ARHGAP15: variants seen among roughly 807,000 people sequenced by gnomAD.
ARHGAP15 encodes Rho GTPase activating protein 15.
In ARHGAP15, 51 loss-of-function variants were observed where a neutral mutation model predicts 63.7. The observed-to-expected ratio is 0.80, with a 90% CI of 0.64 to 1.01. The LOEUF (loss-of-function observed/expected upper bound fraction) is 1.01, where lower values mean the gene tolerates loss of function less well. Ranked by LOEUF, ARHGAP15 falls within the 50% of genes least tolerant of loss-of-function variation. ARHGAP15 has a pLI of 0.00. For synonymous variants in ARHGAP15, 191 were observed against 193.8 expected, an observed-to-expected ratio of 0.99 and a Z score of 0.12; for missense variants, 560 against 564.6, an observed-to-expected ratio of 0.99 and a Z score of 0.08.
intron 4 of ARHGAP15, among the ~76,000 whole-genome samples, chr2:143,216,874 A>G (rs530730158): frequency 3.9e-5 from 6 of 152,358 alleles, no homozygotes; most frequent in Admixed American, 3.9e-4. Flanking sequence ...AAATAAAAGT[A>G]ACATCATATT....
chr2:143,553,363 C>T (rs1245089309), intron 10 of ARHGAP15, among the ~76,000 whole-genome samples: 1 of 152,206 alleles, frequency 6.6e-6, no homozygotes, highest in Non-Finnish European at 1.5e-5. Context: ...CATTATCACT[C>T]ACAAGATATA....
intron 13 of ARHGAP15, among the ~76,000 whole-genome samples, chr2:143,715,632 G>C: frequency 6.6e-6 from 1 of 152,198 alleles, no homozygotes; most frequent in Non-Finnish European, 1.5e-5. Flanking sequence ...ACCTTTGTCA[G>C]ATGCAGAGAT....
In ARHGAP15 at chr2:143,655,831, CAAA is replaced by C. The variant is rs1029940367; in HGVS notation, c.1138+31573_1138+31575del. Among the ~76,000 whole-genome samples the C allele has an allele frequency of 1.7e-4, 24 of 142,710 alleles. 1 individual carries two copies. Among genetic ancestry groups the C allele is most frequent in the Non-Finnish European group, 2.3e-4 (15 of 64,698 alleles). The allele number at this position is 142,710 out of a possible 152,430, so 93.6% of individuals were successfully genotyped here. On this transcript the variant is annotated intron_variant, in intron 12 of 13. Transcript: ENST00000295095. ...GTTGCCCCACCTTAACAAGTGATGC[CAAA>C]AAAAAAAAGTTCCAAAAGGAGAACA...
At chr2:143,728,148 T>C (rs769919325) in intron 13 of ARHGAP15, among the ~76,000 whole-genome samples, 1 of 152,194 alleles carries the variant, frequency 6.6e-6, no homozygotes, top group Non-Finnish European at 1.5e-5. Flanking sequence ...GGTCAAGATA[T>C]CAGCAGGTTT....
At chr2:143,202,939 G>T (rs561574509) in intron 3 of ARHGAP15, among the ~76,000 whole-genome samples, 1 of 151,966 alleles carries the variant, frequency 6.6e-6, no homozygotes, top group Non-Finnish European at 1.5e-5. Context: ...TTAAAAACAC[G>T]TAAGACCAAC....
At chr2:143,498,753 T>G (rs758907187) in intron 9 of ARHGAP15, among the ~76,000 whole-genome samples, 24 of 152,260 alleles carry the variant, frequency 1.6e-4, no homozygotes, top group Middle Eastern at 3.4e-3. Context: ...CTTCATTGTC[T>G]TCTTCTCTCA....
At chr2:143,199,125 A>G (rs1359405702) in intron 2 of ARHGAP15, among the ~76,000 whole-genome samples, 1 of 152,044 alleles carries the variant, frequency 6.6e-6, no homozygotes, top group East Asian at 1.9e-4. Context: ...ATATTCTTTC[A>G]CTCCTGAGAA....
chr2:143,307,730 T>C (rs1342612070), intron 6 of ARHGAP15, among the ~76,000 whole-genome samples: 1 of 152,148 alleles, frequency 6.6e-6, no homozygotes, highest in East Asian at 1.9e-4. Context: ...TACCTTCCAA[T>C]GACTTAGGAC....
chr2:143,160,529 ATACAT>A (rs1340554939), intron 2 of ARHGAP15, among the ~76,000 whole-genome samples: 3 of 151,950 alleles, frequency 2.0e-5, no homozygotes, highest in African/African-American at 7.2e-5. Flanking sequence ...TATTTTCTAT[ATACAT>A]TAGGAGTGCT....
chr2:143,451,903 C>T (rs1370634779), intron 8 of ARHGAP15, among the ~76,000 whole-genome samples: 1 of 151,902 alleles, frequency 6.6e-6, no homozygotes, highest in Non-Finnish European at 1.5e-5. Flanking sequence ...GAACTTTGCA[C>T]CATTAGGAAA....
At chr2:143,472,050 T>A (rs552096450) in intron 8 of ARHGAP15, 1 of 152,328 alleles carries the variant, frequency 6.6e-6, no homozygotes, top group South Asian at 2.1e-4. Context: ...TGTTAAATTT[T>A]TTTTAATATG....
chr2:143,313,062 G>T (rs549068430), intron 6 of ARHGAP15, among the ~76,000 whole-genome samples: 21 of 152,066 alleles, frequency 1.4e-4, no homozygotes, highest in Non-Finnish European at 2.2e-4. Context: ...GGCAGGAAAA[G>T]AGTATAGAAT....
At chr2:143,181,817 G>A (rs141314467) in intron 2 of ARHGAP15, among the ~76,000 whole-genome samples, 1 of 152,172 alleles carries the variant, frequency 6.6e-6, no homozygotes, top group African/African-American at 2.4e-5. Flanking sequence ...CACTGTAGGG[G>A]CACTTTTAAT....
At chr2:143,150,829 G>A (rs1054829346) in intron 1 of ARHGAP15, among the ~76,000 whole-genome samples, 3 of 151,942 alleles carry the variant, frequency 2.0e-5, no homozygotes, top group Non-Finnish European at 4.4e-5. Context: ...TGGGTAACGT[G>A]TTCTAGGAAG....
At chr2:143,364,020 G>A (rs1163851702) in intron 6 of ARHGAP15, among the ~76,000 whole-genome samples, 6 of 152,206 alleles carry the variant, frequency 3.9e-5, no homozygotes, top group Admixed American at 2.0e-4. Flanking sequence ...TAAGATCAAC[G>A]AGCAAGATTA....
At chr2:143,365,279 A>G (rs1686247461) in intron 6 of ARHGAP15, among the ~76,000 whole-genome samples, 1 of 152,176 alleles carries the variant, frequency 6.6e-6, no homozygotes, top group South Asian at 2.1e-4. Context: ...AAGGAGTAAA[A>G]TAAATAAGAA....
chr2:143,436,470 G>A (rs1205715681), intron 7 of ARHGAP15, among the ~76,000 whole-genome samples: 1 of 151,934 alleles, frequency 6.6e-6, no homozygotes, highest in Non-Finnish European at 1.5e-5. Context: ...CCCTTAAAGG[G>A]GTGTGTGTGT....
At chr2:143,542,741 TA>T (rs1695143888) in intron 10 of ARHGAP15, among the ~76,000 whole-genome samples, 1 of 99,218 alleles carries the variant, frequency 1.0e-5, no homozygotes. Flanking sequence ...ATATAATATA[TA>T]TATGATATAT....
chr2:143,330,746 A>ATGTGTCACTGGGCAGGCGGTG (rs1684512931), intron 6 of ARHGAP15, among the ~76,000 whole-genome samples: 1 of 152,226 alleles, frequency 6.6e-6, no homozygotes, highest in African/African-American at 2.4e-5. Flanking sequence ...ATAAATATAC[A>ATGTGTCACTGGGCAGGCGGTG]CAGGATGAGT....
Sources: gnomAD v4.1 joint callset for allele counts (sites outside exome capture counted in the v4.1 genomes callset) on GRCh38, gnomAD v4.1.1 for gene constraint, MANE v1.5 for transcripts, NCBI Gene and HGNC (gene_info 2026-07-23, HGNC 2026-07-21) for gene names.